CRPPA: variants seen among roughly 807,000 people sequenced by gnomAD.
CRPPA encodes the protein CDP-L-ribitol pyrophosphorylase A.
In CRPPA, 43 loss-of-function variants were observed where a neutral mutation model predicts 52.0. The observed-to-expected ratio is 0.83, with a 90% confidence interval of 0.65 to 1.07. The LOEUF (loss-of-function observed/expected upper bound fraction) is 1.07, where lower values mean the gene tolerates loss of function less well. Among genes scored for constraint, CRPPA ranks in the 50% least tolerant of loss-of-function variants. CRPPA has a pLI of 0.00. For synonymous variants in CRPPA, 250 were observed against 203.5 expected, an observed-to-expected ratio of 1.23 and a Z score of -1.94; for missense variants, 629 against 551.7, an observed-to-expected ratio of 1.14 and a Z score of -1.40.
intron 9 of CRPPA, among the ~76,000 whole-genome samples, chr7:16,193,423 T>C (rs947504382): frequency 6.6e-6 from 1 of 152,118 alleles, no homozygotes; most frequent in East Asian, 1.9e-4. Context: ...ATAAAATTCT[T>C]ACTAAACACT....
chr7:16,217,111 C>T (rs1448330597), intron 8 of CRPPA, among the ~76,000 whole-genome samples: 3 of 149,696 alleles, frequency 2.0e-5, no homozygotes, highest in Non-Finnish European at 4.5e-5. Flanking sequence ...GGCAGACTGC[C>T]TCCTCAAGTG....
intron 1 of CRPPA, among the ~76,000 whole-genome samples, chr7:16,414,907 T>G (rs774384994): frequency 6.6e-6 from 1 of 152,222 alleles, no homozygotes; most frequent in Non-Finnish European, 1.5e-5. Context: ...TTCTTTAAGA[T>G]TGGAGTATAT....
chr7:16,210,143 C>T (rs1303743450), intron 9 of CRPPA, among the ~76,000 whole-genome samples: 4 of 152,188 alleles, frequency 2.6e-5, no homozygotes, highest in Non-Finnish European at 5.9e-5. Flanking sequence ...AAAGCATATA[C>T]ATATATACAT....
chr7:16,276,636 A>G (rs1244078910), intron 6 of CRPPA: 3 of 152,246 alleles, frequency 2.0e-5, no homozygotes, highest in African/African-American at 4.8e-5. Context: ...ATGAGCCCTC[A>G]CTAGAGCATC....
At chr7:16,140,167 G>T (rs910863503) in intron 9 of CRPPA, among the ~76,000 whole-genome samples, 24 of 152,040 alleles carry the variant, frequency 1.6e-4, no homozygotes, top group Non-Finnish European at 3.2e-4. Context: ...TTCATTTAGA[G>T]ACAAGAGTCT....
chr7:16,386,045 G>A (rs965425412), intron 2 of CRPPA, among the ~76,000 whole-genome samples: 3 of 152,168 alleles, frequency 2.0e-5, no homozygotes, highest in Non-Finnish European at 2.9e-5. Context: ...TTGGTATCCA[G>A]GTCCCTGTCC....
At chr7:16,365,645 T>C (rs1377436642) in intron 3 of CRPPA, among the ~76,000 whole-genome samples, 1 of 152,200 alleles carries the variant, frequency 6.6e-6, no homozygotes, top group African/African-American at 2.4e-5. Flanking sequence ...GCAGGTGCCC[T>C]GTATCAGAGA....
intron 8 of CRPPA, among the ~76,000 whole-genome samples, chr7:16,227,040 A>G (rs774163098): frequency 6.6e-6 from 1 of 151,948 alleles, no homozygotes; most frequent in Non-Finnish European, 1.5e-5. Context: ...AATGTCCTCC[A>G]GATTCAGCCA....
chr7:16,106,656 C>G (rs555251330), intron 9 of CRPPA, among the ~76,000 whole-genome samples: 145 of 152,294 alleles, frequency 9.5e-4, no homozygotes, highest in Middle Eastern at 3.4e-3. Flanking sequence ...TAAAGAACAC[C>G]TCTTAGGCTA....
intron 1 of CRPPA, among the ~76,000 whole-genome samples, chr7:16,412,985 G>A (rs1050961068): frequency 2.0e-5 from 3 of 152,156 alleles, no homozygotes; most frequent in Admixed American, 2.0e-4. Flanking sequence ...AATGCTTTAT[G>A]AAACAGATGG....
chr7:16,374,025 G>A (rs73306454), intron 3 of CRPPA, among the ~76,000 whole-genome samples: 11,115 of 152,138 alleles, frequency 0.073, 481 homozygotes, highest in Admixed American at 0.12. Context: ...ATCTGCTTGT[G>A]ATGGTTAATA....
intron 9 of CRPPA, among the ~76,000 whole-genome samples, chr7:16,154,877 G>A (rs932661020): frequency 7.5e-5 from 11 of 147,590 alleles, no homozygotes; most frequent in African/African-American, 2.3e-4. Context: ...GCACAATCTC[G>A]ACTCACCACA....
chr7:16,209,046 T>C, intron 9 of CRPPA: 1 of 432,260 alleles, frequency 2.3e-6, no homozygotes, highest in Non-Finnish European at 4.6e-6. Context: ...ATTTTCTGTA[T>C]GCCCAGGGGA....
chr7:16,183,533 A>G (rs1781450609), intron 9 of CRPPA, among the ~76,000 whole-genome samples: 1 of 152,178 alleles, frequency 6.6e-6, no homozygotes, highest in Admixed American at 6.5e-5. Flanking sequence ...ATAAAAATTC[A>G]GGAAGCTTCT....
chr7:16,222,100 G>A (rs2128400465), intron 8 of CRPPA, among the ~76,000 whole-genome samples: 1 of 150,616 alleles, frequency 6.6e-6, no homozygotes, highest in East Asian at 2.0e-4. Context: ...TATACACCAT[G>A]GAATACTATG....
At chr7:16,257,971 G>A (rs1242047688) in intron 8 of CRPPA, among the ~76,000 whole-genome samples, 2 of 152,044 alleles carry the variant, frequency 1.3e-5, no homozygotes. Context: ...CGGTGGAACA[G>A]AGAAAATGAA....
chr7:16,289,763 G>T (rs185598592), intron 5 of CRPPA, among the ~76,000 whole-genome samples: 1 of 152,050 alleles, frequency 6.6e-6, no homozygotes, highest in African/African-American at 2.4e-5. Flanking sequence ...CCTCTAAGAG[G>T]ACAAGAAGAG....
chr7:16,333,982 T>A (rs1785618790), intron 3 of CRPPA, among the ~76,000 whole-genome samples: 1 of 152,124 alleles, frequency 6.6e-6, no homozygotes, highest in Admixed American at 6.5e-5. Flanking sequence ...ATTCTAGGAC[T>A]CTTCACAGGG....
At chr7:16,114,830 G>A (rs145100313) in intron 9 of CRPPA, among the ~76,000 whole-genome samples, 37 of 152,192 alleles carry the variant, frequency 2.4e-4, no homozygotes, top group African/African-American at 8.9e-4. Context: ...GAAGAGAGCA[G>A]CATTGAATTA....
Sources: gnomAD v4.1 joint callset for allele counts (sites outside exome capture counted in the v4.1 genomes callset) on GRCh38, gnomAD v4.1.1 for gene constraint, MANE v1.5 for transcripts, NCBI Gene and HGNC (gene_info 2026-07-23, HGNC 2026-07-21) for gene names.